The following LGALS12 variants were observed in gnomAD, a reference collection of about 807,000 sequenced individuals.
LGALS12 encodes the protein galectin 12.
LGALS12 carries 36 observed loss-of-function variants against 36.8 expected under a neutral mutation model. The observed-to-expected ratio is 0.98, with a 90% CI of 0.75 to 1.29. The LOEUF (loss-of-function observed/expected upper bound fraction) is 1.29. LGALS12 is among the 50% of genes most tolerant of loss of function. The pLI is 0.00. For synonymous variants in LGALS12, 145 were observed against 155.9 expected, an observed-to-expected ratio of 0.93 and a Z score of 0.52; for missense variants, 366 against 394.3, an observed-to-expected ratio of 0.93 and a Z score of 0.61.
intron 7 of LGALS12, among the ~76,000 whole-genome samples, chr11:63,514,394 AC>A (rs1291972534): frequency 6.6e-6 from 1 of 152,126 alleles, no homozygotes; most frequent in African/African-American, 2.4e-5. Flanking sequence ...ACATAGTGAA[AC>A]CCCATCTCTA....
chr11:63,511,252 C>CTTATGCCGCCAGGCAGT (rs2016911480), intron 6 of LGALS12, 147 bp downstream of exon 6: 1 of 757,326 alleles, frequency 1.3e-6, no homozygotes, highest in Non-Finnish European at 2.3e-6. Context: ...GGCCAGGCAG[C>CTTATGCCGCCAGGCAGT]TTATGCCCCC....
At chr11:63,509,074 A>G (rs2016838230) in intron 3 of LGALS12, 83 bp downstream of exon 3, 8 of 1,091,578 alleles carry the variant, frequency 7.3e-6, no homozygotes, top group African/African-American at 3.1e-5. Flanking sequence ...CCCACGACAC[A>G]ATGTTGAGTG....
intron 1 of LGALS12, 62 bp from the exon 2 acceptor site, chr11:63,508,491 G>A (rs1253652813): frequency 3.1e-6 from 5 of 1,603,070 alleles, no homozygotes; most frequent in Non-Finnish European, 4.3e-6. Flanking sequence ...CCACTCGCCT[G>A]ACATAGAGGT....
At chr11:63,508,068 C>A in intron 1 of LGALS12, 1 of 1,000,784 alleles carries the variant, frequency 1.0e-6, no homozygotes, top group Non-Finnish European at 1.2e-6. Flanking sequence ...GAAAGGTGAG[C>A]CTGGGAAGGC....
chr11:63,512,572 C>T (rs912875934), intron 7 of LGALS12, among the ~76,000 whole-genome samples: 15 of 152,054 alleles, frequency 9.9e-5, no homozygotes, highest in Admixed American at 7.2e-4. Context: ...GGGTGGATCA[C>T]GAGGTCAGGA....
intron 7 of LGALS12, 21 bp from the exon 8 acceptor site, chr11:63,515,542 C>T: frequency 6.2e-7 from 1 of 1,613,102 alleles, no homozygotes; most frequent in South Asian, 1.1e-5. Flanking sequence ...GATTCCTTCT[C>T]CTTCCTCCTG....
intron 7 of LGALS12, among the ~76,000 whole-genome samples, chr11:63,512,710 A>AG (rs370403021): frequency 0.022 from 3,263 of 149,278 alleles, 128 homozygotes; most frequent in African/African-American, 0.078. Flanking sequence ...AATCGCTTAT[A>AG]CCCGGGAGGC....
chr11:63,514,288 T>C (rs1363003179), intron 7 of LGALS12, among the ~76,000 whole-genome samples: 1 of 152,110 alleles, frequency 6.6e-6, no homozygotes, highest in African/African-American at 2.4e-5. Context: ...AAAAATAATC[T>C]GGGCCGGGCG....
At chr11:63,512,517 G>A (rs781635035) in intron 7 of LGALS12, among the ~76,000 whole-genome samples, 38 of 152,120 alleles carry the variant, frequency 2.5e-4, no homozygotes, top group Admixed American at 7.9e-4. Flanking sequence ...TAGGCCGGGC[G>A]CGGTGGCTCA....
chr11:63,506,287 C>A lies in LGALS12; in HGVS notation c.-172C>A. On this transcript the variant is annotated 5_prime_UTR_variant, in exon 1 of 9. In the 5' UTR this introduces an upstream ATG that the reference lacks. Coordinates refer to ENST00000394618, the MANE Select transcript of LGALS12 (RefSeq NM_033101.4). ...TGGTGTGGAGCCTGGAGGTCGCCCG[C>A]TGCCCTCCTAGGGCTGCTCCAGACA... 7.5e-7 allele frequency: 1 copy of A among 1,327,830 alleles called. No homozygotes were observed. Among genetic ancestry groups the A allele is most frequent in the Non-Finnish European group, 1.0e-6 (1 of 978,202 alleles). 82.3% of individuals were successfully genotyped at this position (1,327,830 alleles called of 1,614,324 possible).
chr11:63,516,217 C>T (rs1249086565), intron 8 of LGALS12, 30 bp from the exon 9 acceptor site: 1 of 1,530,330 alleles, frequency 6.5e-7, no homozygotes, highest in African/African-American at 1.4e-5. Flanking sequence ...TGGCTGGAAG[C>T]TGCAACCCCC....
chr11:63,512,457 A>G (rs2016953814), intron 7 of LGALS12, among the ~76,000 whole-genome samples: 1 of 152,186 alleles, frequency 6.6e-6, no homozygotes, highest in African/African-American at 2.4e-5. Context: ...CTTAGGACAG[A>G]TACTTTTCCT....
rs759808265 is a variant in LGALS12, at chr11:63,510,492, A to C, written c.522A>C (p.Pro174=). ...NPFVEGSREY[P]AGHPFLLMSP... is the part of the protein sequence containing the mutation. ...TTGTGGAGGGCAGCAGAGAGTACCCAGCTGGACATGTGAGTTTCTTGGCAG... is the reference window on the plus strand; with the variant it reads ...TTGTGGAGGGCAGCAGAGAGTACCCCGCTGGACATGTGAGTTTCTTGGCAG... Residue 174 remains proline, a synonymous_variant, in exon 5 of 9, where the codon CCA becomes CCC. Transcript: ENST00000394618. 6.2e-7 allele frequency: 1 copy of C among 1,614,106 alleles called. No homozygotes were observed. The highest frequency in any genetic ancestry group is 8.5e-7 in the Non-Finnish European group (1 of 1,180,000).
Position 63,510,489 on chromosome 11 carries a change from C to T in LGALS12, c.519C>T (p.Tyr173=). 1.2e-6 allele frequency: 2 copies of T among 1,614,124 alleles called. No individual in the cohort carries two copies. Among genetic ancestry groups the T allele is most frequent in the Non-Finnish European group, 1.7e-6 (2 of 1,180,002 alleles). ...CATTTGTGGAGGGCAGCAGAGAGTA[C>T]CCAGCTGGACATGTGAGTTTCTTGG... The part of the protein sequence containing the change: ...INPFVEGSRE[Y]PAGHPFLLMS... Residue 173 remains tyrosine (Y), a synonymous_variant, in exon 5 of 9, where the codon TAC becomes TAT. Coordinates refer to ENST00000394618, the MANE Select transcript of LGALS12 (RefSeq NM_033101.4).
At chr11:63,511,704 C>T (rs753395217) in intron 6 of LGALS12, 48 bp from the exon 7 acceptor site, 44 of 1,423,846 alleles carry the variant, frequency 3.1e-5, no homozygotes, top group Non-Finnish European at 4.1e-5. Flanking sequence ...GCGGTCCTCC[C>T]CAGTCCCCCT....
intron 2 of LGALS12, 49 bp from the exon 3 acceptor site, chr11:63,508,729 T>C: frequency 1.2e-6 from 2 of 1,613,690 alleles, no homozygotes; most frequent in Non-Finnish European, 1.7e-6. Flanking sequence ...CTGAGATCTC[T>C]GTGGGTCTCT....
In LGALS12 at chr11:63,511,117, T is replaced by G; in HGVS notation, c.558+12T>G. The G allele has an allele frequency of 6.2e-7, 1 of 1,612,500 alleles. No homozygotes were observed. The highest frequency in any genetic ancestry group is 8.5e-7 in the Non-Finnish European group (1 of 1,179,456). ...TGAGCCCCAGGCTGGTGAGTGAACC[T>G]CCCTCCTGCTCTGTCAGGGCTGGGG... On this transcript the variant is annotated intron_variant, in intron 6 of 8. Transcript: ENST00000394618.
chr11:63,510,088 G>A (rs1431032571), intron 4 of LGALS12, among the ~76,000 whole-genome samples, 191 bp downstream of exon 4: 2 of 152,204 alleles, frequency 1.3e-5, no homozygotes, highest in Admixed American at 6.5e-5. Context: ...AGAAAGTGAT[G>A]GCAGAAAGGG....
chr11:63,506,552 C>A lies in LGALS12; in HGVS notation c.69+25C>A, dbSNP rs985516338. ...GGTGAGTTGTCACTCTAATGTGGAA[C>A]CTCCTCGGTCTCTGGGCTCTTCCCT... On this transcript the variant is annotated intron_variant, in intron 1 of 8. Transcript: ENST00000394618. 1.9e-6 allele frequency: 3 copies of A among 1,613,922 alleles called. No individual in the cohort carries two copies. The South Asian group carries it at 3.3e-5, about 18-fold the overall frequency.
Sources: allele counts gnomAD v4.1 joint callset (sites outside exome capture counted in the v4.1 genomes callset), GRCh38; gene constraint gnomAD v4.1.1; transcripts MANE v1.5; gene names NCBI Gene and HGNC (gene_info 2026-07-23, HGNC 2026-07-21).